NAV2: variants seen among roughly 807,000 people sequenced by gnomAD.
NAV2 encodes neuron navigator 2.
In NAV2, 54 loss-of-function variants were observed where a neutral mutation model predicts 223.2. The observed-to-expected ratio is 0.24, with a 90% CI of 0.19 to 0.30. The LOEUF is 0.30. Among genes scored for constraint, NAV2 ranks in the 10% least tolerant of loss-of-function variants. The probability of loss-of-function intolerance (pLI) is 1.00; values close to 1 mark genes in which losing one functional copy is unlikely to be tolerated. For synonymous variants in NAV2, 1,279 were observed against 1,239.3 expected (o/e 1.03, Z -0.67); for missense variants, 2,806 against 3,147.5 (o/e 0.89, Z 2.60).
At chr11:20,086,203 A>G (rs899991524) in intron 26 of NAV2, among the ~76,000 whole-genome samples, 1 of 152,114 alleles carries the variant, frequency 6.6e-6, no homozygotes, top group Non-Finnish European at 1.5e-5. Context: ...GGAATATGAG[A>G]TAATCTGAAT....
intron 11 of NAV2, among the ~76,000 whole-genome samples, chr11:19,990,588 A>T (rs1026157268): frequency 6.6e-5 from 10 of 151,462 alleles, no homozygotes; most frequent in African/African-American, 2.4e-4. Flanking sequence ...TCCCACCGTC[A>T]TCAAGTAAAG....
intron 19 of NAV2, chr11:20,056,548 C>A (rs756681319): frequency 6.2e-7 from 1 of 1,612,740 alleles, no homozygotes; most frequent in Non-Finnish European, 8.5e-7. Flanking sequence ...GAGAAAAGTT[C>A]TGTGGACAAC....
intron 1 of NAV2, among the ~76,000 whole-genome samples, chr11:19,513,709 T>C (rs1262154012): frequency 6.6e-6 from 1 of 152,242 alleles, no homozygotes; most frequent in Non-Finnish European, 1.5e-5. Context: ...TGTGACCTTA[T>C]TTGGAAATAA....
chr11:19,593,936 T>C (rs1320813475), intron 1 of NAV2, among the ~76,000 whole-genome samples: 1 of 152,180 alleles, frequency 6.6e-6, no homozygotes, highest in Non-Finnish European at 1.5e-5. Context: ...ATATGCTAGA[T>C]ATGGGTCCTT....
intron 3 of NAV2, among the ~76,000 whole-genome samples, chr11:19,844,821 T>TG (rs2060699474): frequency 6.8e-6 from 1 of 148,064 alleles, no homozygotes; most frequent in African/African-American, 2.6e-5. Flanking sequence ...GTGAACTGTG[T>TG]GTTTTTTTTT....
intron 1 of NAV2, among the ~76,000 whole-genome samples, chr11:19,635,181 A>G (rs769923217): frequency 2.0e-5 from 3 of 152,228 alleles, no homozygotes; most frequent in Non-Finnish European, 2.9e-5. Flanking sequence ...AGGAAGTGAT[A>G]TAAGATGTGG....
rs1028067493 is a variant in NAV2, at chr11:19,832,414, A to G, written c.268-70A>G. The G allele has an allele frequency of 2.2e-5, 27 of 1,211,502 alleles. 1 individual carries two copies. The highest frequency in any genetic ancestry group is 1.7e-5 in the Admixed American group (1 of 58,656). 75.0% of individuals were successfully genotyped at this position (1,211,502 alleles called of 1,614,324 possible). A position where few individuals can be genotyped will look rare whatever the true frequency, so the allele number is the denominator to read the frequency against. ...GGACAGTGGCCACTGTGCCGGCCCGAGCAGCTGCCTCAGACTCTGAGAGGG... is the reference window on the plus strand; with the variant it reads ...GGACAGTGGCCACTGTGCCGGCCCGGGCAGCTGCCTCAGACTCTGAGAGGG... On this transcript the variant is annotated intron_variant, in intron 1 of 37. Coordinates refer to ENST00000349880, the MANE Select transcript of NAV2 (RefSeq NM_145117.5).
intron 1 of NAV2, among the ~76,000 whole-genome samples, chr11:19,733,370 A>G (rs1003968947): frequency 6.6e-6 from 1 of 152,170 alleles, no homozygotes; most frequent in Non-Finnish European, 1.5e-5. Flanking sequence ...CTGGTAAATG[A>G]TAGCTCCAGG....
chr11:19,650,032 T>C (rs947099178), intron 1 of NAV2, among the ~76,000 whole-genome samples: 3 of 152,214 alleles, frequency 2.0e-5, no homozygotes, highest in African/African-American at 7.2e-5. Context: ...GCAGTTCTTA[T>C]ACAGTTAAGC....
At chr11:19,554,409 C>T (rs901955828) in intron 1 of NAV2, among the ~76,000 whole-genome samples, 2 of 152,156 alleles carry the variant, frequency 1.3e-5, no homozygotes, top group Non-Finnish European at 2.9e-5. Flanking sequence ...CAGGAAGTGT[C>T]TAACCCTCTG....
intron 1 of NAV2, among the ~76,000 whole-genome samples, chr11:19,521,992 C>T (rs1033570534): frequency 5.3e-5 from 8 of 152,200 alleles, no homozygotes; most frequent in Non-Finnish European, 1.0e-4. Context: ...TTGGATCCAG[C>T]TCAGTGGCCT....
intron 5 of NAV2, chr11:19,884,197 A>T: frequency 1.2e-6 from 1 of 851,902 alleles, no homozygotes; most frequent in Non-Finnish European, 1.9e-6. Context: ...AGAAACAGCA[A>T]CATCCCCATT....
chr11:19,399,842 G>A (rs995370539), intron 1 of NAV2, among the ~76,000 whole-genome samples: 34 of 152,168 alleles, frequency 2.2e-4, no homozygotes, highest in African/African-American at 7.0e-4. Context: ...CACCCAGATC[G>A]TTGGTGGGTT....
chr11:19,421,156 G>C (rs1850595256), intron 1 of NAV2, among the ~76,000 whole-genome samples: 1 of 152,150 alleles, frequency 6.6e-6, no homozygotes, highest in Non-Finnish European at 1.5e-5. Context: ...ATCTCTTCAT[G>C]TTCACCTGCC....
intron 1 of NAV2, among the ~76,000 whole-genome samples, chr11:19,543,106 T>C (rs1220962844): frequency 2.6e-5 from 4 of 152,222 alleles, no homozygotes; most frequent in Admixed American, 6.5e-5. Context: ...ATCTTTAAGA[T>C]AGGGCCATAA....
At chr11:19,902,955 C>T (rs2153193396) in intron 6 of NAV2, among the ~76,000 whole-genome samples, 1 of 152,216 alleles carries the variant, frequency 6.6e-6, no homozygotes, top group South Asian at 2.1e-4. Flanking sequence ...GGAGAGAGAC[C>T]CTGAACAGTA....
intron 1 of NAV2, among the ~76,000 whole-genome samples, chr11:19,536,248 C>G (rs2044186126): frequency 1.3e-5 from 2 of 152,192 alleles, no homozygotes; most frequent in African/African-American, 2.4e-5. Context: ...CTAGAGCTAT[C>G]CAGCTAGTCA....
At chr11:19,621,846 G>C (rs57865191) in intron 1 of NAV2, among the ~76,000 whole-genome samples, 1,919 of 152,070 alleles carry the variant, frequency 0.013, 45 homozygotes, top group East Asian at 0.063. Context: ...CATTGTGATG[G>C]TAGGGTGTCA....
rs557682452 is a variant in NAV2 at position 19,663,116 on chromosome 11, C to T, written c.76-169368C>T. On this transcript the variant is annotated intron_variant, in intron 1 of 37. Coordinates refer to the NAV2 transcript ENST00000360655. ...TGACTCTGTTCTCATCACATCTGCT[C>T]ACCTGGAAACCCAATATCTCTCACA... Among the ~76,000 whole-genome samples the T allele has an allele frequency of 8.5e-5, 13 of 152,308 alleles. 1 individual carries two copies. The highest frequency in any genetic ancestry group is 5.9e-4 in the Admixed American group (9 of 15,310).
Sources: allele counts gnomAD v4.1 joint callset (sites outside exome capture counted in the v4.1 genomes callset), GRCh38; gene constraint gnomAD v4.1.1; transcripts MANE v1.5; gene names NCBI Gene and HGNC (gene_info 2026-07-23, HGNC 2026-07-21).